Variants in STAB1 observed in about 807,000 individuals in gnomAD.
The protein encoded by STAB1 is stabilin 1, also known as stabilin-1.
STAB1 carries 250 observed loss-of-function variants against 332.4 expected under a neutral mutation model. The ratio of observed to expected loss-of-function variants is 0.75; its 90% confidence interval spans 0.68 to 0.84. STAB1 has a LOEUF of 0.84. Among genes scored for constraint, STAB1 ranks in the 40% least tolerant of loss-of-function variants. The pLI, the probability that STAB1 is intolerant of heterozygous loss-of-function variation, is 0.00. For missense variants in STAB1, 3,249 were observed against 3,489.7 expected (o/e 0.93, Z 1.74); for synonymous variants, 1,475 against 1,390.4 (o/e 1.06, Z -1.35).
At position 52,524,134 on chromosome 3, in the gene STAB1, G is replaced by C. The variant is rs776066979; in HGVS notation, c.7577G>C (p.Trp2526Ser). The C allele has an allele frequency of 6.2e-7, 1 of 1,613,912 alleles. No homozygotes were observed. The highest frequency in any genetic ancestry group is 2.2e-5 in the East Asian group (1 of 44,882). ...GATGCTGATGACGACTTCTCACCGT[G>C]GCAAGAAGGGACCAACCCCACCCTG... ...EDDADDDFSP[W>S]QEGTNPTLVS... Residue 2526 changes from tryptophan (W) to serine (S), a missense_variant, in exon 68 of 69, where the codon TGG becomes TCG. Coordinates refer to ENST00000321725, the MANE Select transcript of STAB1 (RefSeq NM_015136.3).
chr3:52,516,157 G>A lies in STAB1; in HGVS notation c.4063G>A (p.Glu1355Lys), dbSNP rs148127040. Residue 1355 changes from glutamate to lysine, a missense_variant, in exon 38 of 69, where the codon GAG becomes AAG. Physicochemically the swap from Glu to Lys is moderately conservative, Grantham distance 56. Coordinates refer to ENST00000321725, the MANE Select transcript of STAB1 (RefSeq NM_015136.3). Reference protein sequence around the residue: ...QCQDRFLGSGECHCHEGFHGT... With the variant: ...QCQDRFLGSGKCHCHEGFHGT... ...CCAGGACAGGTTCCTGGGCAGCGGG[G>A]AGTGCCACTGCCACGAGGGCTTCCA... The A allele has an allele frequency of 1.0e-3, 1,619 of 1,612,254 alleles. 2 individuals are homozygous for A. Among genetic ancestry groups the A allele is most frequent in the Non-Finnish European group, 1.2e-3 (1,438 of 1,179,740 alleles).
At chr3:52,508,706 C>T (rs992956459) in intron 21 of STAB1, among the ~76,000 whole-genome samples, 2 of 152,060 alleles carry the variant, frequency 1.3e-5, no homozygotes, top group Non-Finnish European at 2.9e-5. Flanking sequence ...CCTGTAATCC[C>T]AGCTACTCAG....
At chr3:52,510,630 C>T (rs1212917161) in intron 25 of STAB1, 123 bp downstream of exon 25, 3 of 1,264,728 alleles carry the variant, frequency 2.4e-6, no homozygotes, top group Non-Finnish European at 3.2e-6. Context: ...AGATGAGAAC[C>T]CAGTGCTGAC....
At chr3:52,515,344 C>T in intron 36 of STAB1, 79 bp from the exon 37 acceptor site, 1 of 1,367,912 alleles carries the variant, frequency 7.3e-7, no homozygotes, top group Non-Finnish European at 1.0e-6. Flanking sequence ...ACCTGTAGTC[C>T]ATCTGTCTGT....
At position 52,523,992 on chromosome 3, in the gene STAB1, T is replaced by C. The variant is rs13303; in HGVS notation, c.7517T>C (p.Met2506Thr). 0.55 allele frequency: 894,122 copies of C among 1,611,728 alleles called. 251,445 individuals are homozygous for C. The highest frequency in any genetic ancestry group is 0.67 in the African/African-American group (50,248 of 75,038). Residue 2506 changes from methionine to threonine, a missense_variant, in exon 67 of 69, where the codon ATG (methionine) becomes ACG (threonine). Physicochemically the swap from Met to Thr is moderately conservative, Grantham distance 81. Coordinates refer to ENST00000321725, the MANE Select transcript of STAB1 (RefSeq NM_015136.3). Reference sequence around the variant, plus strand: ...TACCTCCGTGCCCGAGGCAAGCCCATGGGCTTTGGCTTCTCTGCCTTCCAG... The same window carrying C: ...TACCTCCGTGCCCGAGGCAAGCCCACGGGCTTTGGCTTCTCTGCCTTCCAG... ...ALYLRARGKP[M>T]GFGFSAFQAE...
At position 52,520,503 on chromosome 3, in the gene STAB1, G is replaced by C. The variant is rs760050929; in HGVS notation, c.5603G>C (p.Gly1868Ala). The C allele has an allele frequency of 3.7e-6, 6 of 1,612,584 alleles. No homozygotes were observed. Among genetic ancestry groups the C allele is most frequent in the Non-Finnish European group, 5.1e-6 (6 of 1,179,910 alleles). The change falls in exon 53 of 69, where the codon GGC (glycine) becomes GCC (alanine). Residue 1868 changes from glycine to alanine, a missense_variant. Coordinates refer to ENST00000321725, the MANE Select transcript of STAB1 (RefSeq NM_015136.3). ...ATCGACCAGCTGCTGGAGCCACCTG[G>C]CCTTGGTGCTCGCTGTGACCACTTT... ...YGIDQLLEPP[G>A]LGARCDHFET...
Position 52,517,029 on chromosome 3 carries a change from C to A in STAB1, c.4409C>A (p.Ala1470Asp). The A allele has an allele frequency of 1.2e-6, 2 of 1,607,416 alleles. No homozygotes were observed. Among genetic ancestry groups the A allele is most frequent in the Non-Finnish European group, 1.7e-6 (2 of 1,177,354 alleles). ...AHGHGGCSPH[A>D]NCTKVAPGQR... Reference sequence around the variant, plus strand: ...GGCCATGGGGGCTGCTCCCCTCATGCCAACTGTACCAAGGTGGCACCTGGG... The same window carrying A: ...GGCCATGGGGGCTGCTCCCCTCATGACAACTGTACCAAGGTGGCACCTGGG... Residue 1470 changes from alanine (A) to aspartate (D), a missense_variant, in exon 42 of 69, where the codon GCC (alanine) becomes GAC (aspartate). By Grantham distance (126) the Ala-to-Asp change is moderately radical. Coordinates refer to ENST00000321725, the MANE Select transcript of STAB1 (RefSeq NM_015136.3).
intron 7 of STAB1, 112 bp from the exon 8 acceptor site, chr3:52,503,232 T>A: frequency 6.7e-7 from 1 of 1,500,134 alleles, no homozygotes; most frequent in Non-Finnish European, 9.0e-7. Flanking sequence ...AAGGGGAGCC[T>A]ATCCTCAAGG....
In STAB1 at chr3:52,501,230, C is replaced by T. The variant is rs139575684; in HGVS notation, c.143C>T (p.Ala48Val). 1.0e-4 allele frequency: 166 copies of T among 1,613,800 alleles called. No homozygotes were observed. The highest frequency in any genetic ancestry group is 4.8e-4 in the Admixed American group (29 of 60,036). The change falls in exon 2 of 69, where the codon GCG becomes GTG. Residue 48 changes from alanine (A) to valine (V), a missense_variant. Transcript: ENST00000321725. ...ACTCATGTACCCTGCACCTCGTGCG[C>T]GGCCATCAAGAAGCAGACGTGTCCC... ...FVTHVPCTSC[A>V]AIKKQTCPSG...
Position 52,506,124 on chromosome 3 carries a change from G to A in STAB1, c.1750-46G>A, listed in dbSNP as rs1161226918. On this transcript the variant is annotated intron_variant, in intron 16 of 68. Transcript: ENST00000321725. ...TGGGCAGGACTGGGCGTGGCCCCAA[G>A]GTATGGCCAGAGCCCAGCCTAAAGC... is the stretch of plus-strand genomic sequence containing the variant. The A allele has an allele frequency of 3.2e-6, 5 of 1,580,538 alleles. 1 individual carries two copies. In the South Asian group the frequency reaches 4.5e-5, roughly 14 times the overall value.
chr3:52,515,374 C>A (rs2078826241), intron 36 of STAB1, 49 bp from the exon 37 acceptor site: 5 of 1,574,194 alleles, frequency 3.2e-6, no homozygotes, highest in Non-Finnish European at 4.3e-6. Context: ...CACTGCCCTG[C>A]CCCTGCCCAA....
intron 3 of STAB1, 32 bp downstream of exon 3, chr3:52,501,785 C>G: frequency 6.5e-7 from 1 of 1,541,156 alleles, no homozygotes; most frequent in Non-Finnish European, 8.8e-7. Flanking sequence ...CGCCTTGCGC[C>G]TCCCACCCAG....
In STAB1 at chr3:52,505,311, C is replaced by T; in HGVS notation, c.1519-8C>T. 6.2e-7 allele frequency: 1 copy of T among 1,613,640 alleles called. No homozygotes were observed. The highest frequency in any genetic ancestry group is 8.5e-7 in the Non-Finnish European group (1 of 1,179,902). On this transcript the variant is annotated splice_polypyrimidine_tract_variant and splice_region_variant and intron_variant, in intron 13 of 68. Transcript: ENST00000321725. Reference sequence around the variant, plus strand: ...CCCTGGGGCCCTCACACTCATCCCTCCTTACAGAGAACTATCGGACAGATC... The same window carrying T: ...CCCTGGGGCCCTCACACTCATCCCTTCTTACAGAGAACTATCGGACAGATC...
At chr3:52,502,255 C>G in intron 5 of STAB1, 27 bp downstream of exon 5, 1 of 1,603,666 alleles carries the variant, frequency 6.2e-7, no homozygotes, top group Non-Finnish European at 8.5e-7. Context: ...CAAGAGGGCA[C>G]GGCCAGCGTC....
chr3:52,507,585 C>T, intron 18 of STAB1, 28 bp from the exon 19 acceptor site: 1 of 1,607,368 alleles, frequency 6.2e-7, no homozygotes, highest in Non-Finnish European at 8.5e-7. Flanking sequence ...ACTAACCCCT[C>T]TCCCCATCCT....
chr3:52,507,508 G>A, intron 18 of STAB1, 105 bp from the exon 19 acceptor site: 2 of 1,231,732 alleles, frequency 1.6e-6, no homozygotes, highest in Admixed American at 2.2e-5. Context: ...CCTGTGGTTG[G>A]CTCTTCTCAT....
chr3:52,520,538 C>A lies in STAB1; in HGVS notation c.5638C>A (p.Pro1880Thr). The A allele has an allele frequency of 1.2e-6, 2 of 1,611,452 alleles. No individual in the cohort carries two copies. The highest frequency in any genetic ancestry group is 8.5e-7 in the Non-Finnish European group (1 of 1,178,968). The stretch of plus-strand genomic sequence containing the variant: ...TCGCTGTGACCACTTTGAGACCCGG[C>A]CCCTGCGACTGGTGAGGGAGGCCAG... Reference protein sequence around the residue: ...GARCDHFETRPLRLNTCSICG... With the variant: ...GARCDHFETRTLRLNTCSICG... The change falls in exon 53 of 69, where the codon CCC becomes ACC. Residue 1880 changes from proline (P) to threonine (T), a missense_variant. Pro to Thr is a conservative substitution (Grantham distance 38). Coordinates refer to ENST00000321725, the MANE Select transcript of STAB1 (RefSeq NM_015136.3).
chr3:52,497,175 A>C (rs1708092537), intron 1 of STAB1, among the ~76,000 whole-genome samples: 1 of 150,580 alleles, frequency 6.6e-6, no homozygotes, highest in Non-Finnish European at 1.5e-5. Context: ...TAATTTTTGA[A>C]TTTTTAGTTT....
At position 52,523,460 on chromosome 3, in the gene STAB1, T is replaced by C; in HGVS notation, c.7174T>C (p.Ser2392Pro). ...TGGCCCAGACTTGGAGCTGCATGCC[T>C]CCAACGCCACCCTCCTAAGTGCCAA... ...LSGPDLELHA[S>P]NATLLSANAS... Residue 2392 changes from serine to proline, a missense_variant, in exon 65 of 69, where the codon TCC becomes CCC. Coordinates refer to ENST00000321725, the MANE Select transcript of STAB1 (RefSeq NM_015136.3). 6.2e-7 allele frequency: 1 copy of C among 1,610,474 alleles called. No individual in the cohort carries two copies. Among genetic ancestry groups the C allele is most frequent in the Non-Finnish European group, 8.5e-7 (1 of 1,178,138 alleles).
Sources: allele counts gnomAD v4.1 joint callset (sites outside exome capture counted in the v4.1 genomes callset), GRCh38; gene constraint gnomAD v4.1.1; transcripts MANE v1.5; gene names NCBI Gene and HGNC (gene_info 2026-07-23, HGNC 2026-07-21).